The following OPCML variants were observed in gnomAD, a reference collection of about 807,000 sequenced individuals.
OPCML encodes opioid binding protein/cell adhesion molecule like, also known as opioid-binding protein/cell adhesion molecule.
In OPCML, 13 loss-of-function variants were observed where a neutral mutation model predicts 37.8. The observed-to-expected ratio is 0.34, with a 90% CI of 0.22 to 0.55. The LOEUF (loss-of-function observed/expected upper bound fraction) is 0.55. OPCML is among the 20% of genes least tolerant of loss of function. The pLI, the probability that OPCML is intolerant of heterozygous loss-of-function variation, is 0.91. For missense variants in OPCML, 341 were observed against 435.6 expected (o/e 0.78, Z 1.93); for synonymous variants, 176 against 168.8 (o/e 1.04, Z -0.33).
chr11:132,944,110 C>T (rs1945683440), intron 1 of OPCML, among the ~76,000 whole-genome samples: 1 of 151,928 alleles, frequency 6.6e-6, no homozygotes, highest in African/African-American at 2.4e-5. Flanking sequence ...CCGCACCGCG[C>T]CCACTTCGCT....
At chr11:133,398,504 C>T (rs1945334546) in intron 1 of OPCML, among the ~76,000 whole-genome samples, 1 of 152,144 alleles carries the variant, frequency 6.6e-6, no homozygotes, top group South Asian at 2.1e-4. Flanking sequence ...GATGCGTCTT[C>T]TCTGTTCCTC....
chr11:133,243,737 G>C (rs973931719), intron 1 of OPCML, among the ~76,000 whole-genome samples: 2 of 152,212 alleles, frequency 1.3e-5, no homozygotes, highest in Non-Finnish European at 2.9e-5. Flanking sequence ...TTTCAGTTTG[G>C]ATTCTCAAAG....
intron 3 of OPCML, among the ~76,000 whole-genome samples, chr11:132,579,875 C>A (rs1410920346): frequency 6.6e-6 from 1 of 152,114 alleles, no homozygotes; most frequent in Admixed American, 6.6e-5. Flanking sequence ...TAAGGGGAAA[C>A]CAGCAATCCA....
rs182354636 is a variant in OPCML at position 133,171,293 on chromosome 11, G to A, written c.62-228283C>T. Among the ~76,000 whole-genome samples, 8 of 152,146 alleles carry A rather than the reference G, an allele frequency of 5.3e-5. No individual in the cohort carries two copies. In the East Asian group the frequency reaches 1.4e-3, roughly 26 times the overall value. On this transcript the variant is annotated intron_variant, in intron 1 of 7. Transcript: ENST00000524381. The stretch of plus-strand genomic sequence containing the variant: ...ATTATCTCACCAGATTTGCTTTCTC[G>A]ACCCTCTTCTTGTCCACTTTTCCAA...
At chr11:133,009,151 A>G (rs1947168098) in intron 1 of OPCML, 1 of 985,174 alleles carries the variant, frequency 1.0e-6, no homozygotes, top group Non-Finnish European at 1.2e-6. Flanking sequence ...ATTAGGATTT[A>G]TTTACTCTTT....
intron 3 of OPCML, among the ~76,000 whole-genome samples, chr11:132,606,028 C>G (rs1281258426): frequency 6.6e-6 from 1 of 152,156 alleles, no homozygotes; most frequent in East Asian, 1.9e-4. Context: ...CAGATATTTT[C>G]TGGTACTTGG....
At chr11:133,204,882 A>ATATATATGTGTG (rs1555114201) in intron 1 of OPCML, among the ~76,000 whole-genome samples, 20 of 30,218 alleles carry the variant, frequency 6.6e-4, no homozygotes, top group African/African-American at 2.2e-3. Flanking sequence ...ATATATATAT[A>ATATATATGTGTG]TATATATATA....
intron 1 of OPCML, among the ~76,000 whole-genome samples, chr11:132,994,086 C>G (rs1370744558): frequency 6.6e-6 from 1 of 152,230 alleles, no homozygotes; most frequent in African/African-American, 2.4e-5. Context: ...GGTTAAAGCA[C>G]TTTCCTTACT....
At chr11:132,458,181 A>G (rs1181692209) in intron 4 of OPCML, among the ~76,000 whole-genome samples, 1 of 152,216 alleles carries the variant, frequency 6.6e-6, no homozygotes, top group African/African-American at 2.4e-5. Flanking sequence ...AAGGCATTTA[A>G]GCAGCAAAAG....
At chr11:132,687,760 G>T (rs1943229298) in intron 2 of OPCML, among the ~76,000 whole-genome samples, 1 of 151,980 alleles carries the variant, frequency 6.6e-6, no homozygotes, top group Non-Finnish European at 1.5e-5. Context: ...TTTAGAAAGT[G>T]ATTTGATTCT....
chr11:133,311,580 C>G (rs567102444), intron 1 of OPCML, among the ~76,000 whole-genome samples: 1 of 151,728 alleles, frequency 6.6e-6, no homozygotes, highest in African/African-American at 2.4e-5. Context: ...GAAGACAGGA[C>G]GTAGTGTTCT....
chr11:132,913,017 T>G (rs1944480480), intron 2 of OPCML, among the ~76,000 whole-genome samples: 1 of 152,140 alleles, frequency 6.6e-6, no homozygotes, highest in Non-Finnish European at 1.5e-5. Context: ...AGAGTTGGAG[T>G]TGCCTGGAGA....
chr11:132,584,690 G>A (rs1281113003), intron 3 of OPCML, among the ~76,000 whole-genome samples: 1 of 152,128 alleles, frequency 6.6e-6, no homozygotes, highest in Non-Finnish European at 1.5e-5. Context: ...ATGGTTAACA[G>A]ATTATAGGAT....
In OPCML at chr11:132,462,680, G is replaced by A. The variant is rs530039789; in HGVS notation, c.506-25321C>T. ...CATTGCATAACCTCTCTAGAAGGGG[G>A]GAAGAATGGTCATCCAATGATGAAG... On this transcript the variant is annotated intron_variant, in intron 4 of 7. Transcript: ENST00000524381. Among the ~76,000 whole-genome samples the A allele has an allele frequency of 3.9e-5, 6 of 152,280 alleles. No homozygotes were observed. In the South Asian group the frequency reaches 6.2e-4, roughly 16 times the overall value.
At chr11:133,361,413 C>G (rs1000738980) in intron 1 of OPCML, 11 of 152,460 alleles carry the variant, frequency 7.2e-5, no homozygotes, top group African/African-American at 2.4e-4. Context: ...CCAGGCACCC[C>G]CTCCAGGTCC....
intron 1 of OPCML, among the ~76,000 whole-genome samples, chr11:133,502,407 G>A (rs1012728995): frequency 3.9e-5 from 6 of 152,162 alleles, no homozygotes; most frequent in East Asian, 1.9e-4. Context: ...CAGCGTCCTC[G>A]TCCAAACCGG....
intron 2 of OPCML, among the ~76,000 whole-genome samples, chr11:132,806,528 A>G (rs1356850755): frequency 6.6e-6 from 1 of 152,170 alleles, no homozygotes; most frequent in African/African-American, 2.4e-5. Flanking sequence ...ATAGTGCATG[A>G]TAAAAGAGCA....
intron 1 of OPCML, among the ~76,000 whole-genome samples, chr11:132,973,489 GTTA>G (rs1946388221): frequency 6.6e-6 from 1 of 152,152 alleles, no homozygotes; most frequent in Non-Finnish European, 1.5e-5. Context: ...TTCATGGTTT[GTTA>G]TTATAATTGC....
At chr11:133,353,596 A>G (rs1237899174) in intron 1 of OPCML, among the ~76,000 whole-genome samples, 8 of 152,196 alleles carry the variant, frequency 5.3e-5, no homozygotes, top group Non-Finnish European at 1.5e-5. Context: ...GTCTGTTCAA[A>G]GCCTCTGGTC....
Sources: gnomAD v4.1 joint callset for allele counts (sites outside exome capture counted in the v4.1 genomes callset) on GRCh38, gnomAD v4.1.1 for gene constraint, MANE v1.5 for transcripts, NCBI Gene and HGNC (gene_info 2026-07-23, HGNC 2026-07-21) for gene names.